Variants in GRIK1 observed in about 807,000 individuals in gnomAD.
GRIK1 encodes glutamate ionotropic receptor kainate type subunit 1.
Under a neutral mutation model 105.7 loss-of-function variants are expected in GRIK1, and 69 were observed. That is an observed-to-expected ratio of 0.65 (90% CI 0.54 to 0.80). The LOEUF (loss-of-function observed/expected upper bound fraction) is 0.80. GRIK1 is among the 30% of genes least tolerant of loss of function. The pLI, the probability that GRIK1 is intolerant of heterozygous loss-of-function variation, is 0.00. For synonymous variants in GRIK1, 438 were observed against 431.3 expected (o/e 1.02, Z -0.19); for missense variants, 1,109 against 1,167.3 (o/e 0.95, Z 0.73).
Position 29,691,428 on chromosome 21 carries a change from A to G in GRIK1, c.287-1443T>C, listed in dbSNP as rs142884313. Among the ~76,000 whole-genome samples the G allele has an allele frequency of 4.0e-3, 612 of 152,332 alleles. 6 individuals are homozygous for G. The highest frequency in any genetic ancestry group is 0.014 in the African/African-American group (578 of 41,572). On this transcript the variant is annotated intron_variant, in intron 2 of 17. Coordinates refer to ENST00000327783, the MANE Select transcript of GRIK1 (RefSeq NM_001330994.2). ...TATATTTTTCTCTGAATCTTGTGCTACTTTCTAAGAGTAGATTTCCAGAAG... is the reference window on the plus strand; with the variant it reads ...TATATTTTTCTCTGAATCTTGTGCTGCTTTCTAAGAGTAGATTTCCAGAAG...
chr21:29,619,043 G>A (rs55966749), intron 7 of GRIK1, among the ~76,000 whole-genome samples: 31,846 of 148,938 alleles, frequency 0.21, 4,587 homozygotes, highest in African/African-American at 0.4. Context: ...GGAGAAAAGC[G>A]TGAACCCAGG....
intron 17 of GRIK1, 116 bp downstream of exon 17, chr21:29,537,682 C>T: frequency 1.3e-6 from 1 of 776,512 alleles, no homozygotes; most frequent in Non-Finnish European, 2.3e-6. Flanking sequence ...CTTACCTTTG[C>T]TGAGACACCA....
chr21:29,843,586 G>T (rs1276393262), intron 1 of GRIK1, among the ~76,000 whole-genome samples: 2 of 151,888 alleles, frequency 1.3e-5, no homozygotes, highest in Non-Finnish European at 2.9e-5. Flanking sequence ...AAGGAGATGT[G>T]GATCTGATAT....
chr21:29,856,779 G>C (rs1359323205), intron 1 of GRIK1, among the ~76,000 whole-genome samples: 1 of 152,188 alleles, frequency 6.6e-6, no homozygotes, highest in Non-Finnish European at 1.5e-5. Context: ...GTGCCTGAGA[G>C]AGGCAGGTAG....
chr21:29,717,997 G>A (rs76814660), intron 1 of GRIK1, among the ~76,000 whole-genome samples: 8,891 of 152,176 alleles, frequency 0.058, 438 homozygotes, highest in African/African-American at 0.12. Flanking sequence ...GTTCTCACAA[G>A]ATCTGATGGT....
intron 16 of GRIK1, among the ~76,000 whole-genome samples, chr21:29,540,271 A>G (rs2089947940): frequency 6.6e-6 from 1 of 152,114 alleles, no homozygotes; most frequent in Non-Finnish European, 1.5e-5. Flanking sequence ...CTCTTGACTA[A>G]CTCCAAGTAT....
At chr21:29,877,263 T>C (rs565070973) in intron 1 of GRIK1, among the ~76,000 whole-genome samples, 2 of 152,294 alleles carry the variant, frequency 1.3e-5, no homozygotes, top group African/African-American at 4.8e-5. Context: ...TGTAGAGATG[T>C]AGTCTTCTTT....
chr21:29,558,225 A>C (rs1280992362), intron 15 of GRIK1, among the ~76,000 whole-genome samples: 1 of 152,138 alleles, frequency 6.6e-6, no homozygotes, highest in East Asian at 1.9e-4. Flanking sequence ...TAAGGGAGTT[A>C]GTCAGGGCAA....
At chr21:29,744,114 G>A (rs571982257) in intron 1 of GRIK1, among the ~76,000 whole-genome samples, 42 of 152,298 alleles carry the variant, frequency 2.8e-4, no homozygotes, top group African/African-American at 9.9e-4. Flanking sequence ...GTGTACATAA[G>A]TTATAAGTTA....
intron 1 of GRIK1, among the ~76,000 whole-genome samples, chr21:29,892,196 A>G (rs762243848): frequency 2.6e-5 from 4 of 152,234 alleles, no homozygotes; most frequent in African/African-American, 4.8e-5. Context: ...CTCAGTAGAT[A>G]CTAAAGAGAC....
intron 1 of GRIK1, among the ~76,000 whole-genome samples, chr21:29,752,242 A>G (rs557838347): frequency 3.7e-4 from 57 of 152,290 alleles, no homozygotes; most frequent in Non-Finnish European, 6.8e-4. Flanking sequence ...ATGGGCTGGG[A>G]CTTGCTTTCA....
chr21:29,553,645 A>T (rs1406866512), intron 16 of GRIK1: 1 of 1,609,648 alleles, frequency 6.2e-7, no homozygotes, highest in Non-Finnish European at 8.5e-7. Flanking sequence ...AAGTAGTTCC[A>T]GAAGTGGAGT....
chr21:29,871,842 C>T (rs958512079), intron 1 of GRIK1, among the ~76,000 whole-genome samples: 15 of 146,072 alleles, frequency 1.0e-4, no homozygotes, highest in African/African-American at 3.5e-4. Context: ...CAGCTCACTG[C>T]AGCCTCAACC....
At chr21:29,571,665 G>A (rs2090753573) in intron 14 of GRIK1, among the ~76,000 whole-genome samples, 1 of 152,164 alleles carries the variant, frequency 6.6e-6, no homozygotes, top group South Asian at 2.1e-4. Context: ...AGGCATTCGA[G>A]TATTTTGTTT....
chr21:29,888,053 CCAA>C (rs1398310264), intron 1 of GRIK1, among the ~76,000 whole-genome samples: 2 of 151,626 alleles, frequency 1.3e-5, no homozygotes. Context: ...CCTGCTTCCC[CCAA>C]CAACCTCAAA....
At position 29,905,093 on chromosome 21, in the gene GRIK1, A is replaced by G. The variant is rs545583833; in HGVS notation, c.118+34290T>C. On this transcript the variant is annotated intron_variant, in intron 1 of 17. Coordinates refer to ENST00000327783, the MANE Select transcript of GRIK1 (RefSeq NM_001330994.2). ...AGAATCAGAGGGTCAGAGTGCCATT[A>G]TTTAAACCAACTCATTTTAAACCTG... 4.6e-5 allele frequency among the ~76,000 whole-genome samples: 7 copies of G among 152,232 alleles called. 1 individual carries two copies. Among genetic ancestry groups the G allele is most frequent in the Non-Finnish European group, 8.8e-5 (6 of 68,036 alleles).
intron 16 of GRIK1, chr21:29,553,389 G>GT: frequency 7.7e-7 from 1 of 1,294,832 alleles, no homozygotes; most frequent in Admixed American, 3.7e-5. Context: ...TACAGTGCAA[G>GT]TATCTTTCCA....
chr21:29,622,367 C>G (rs2062024353), intron 7 of GRIK1, among the ~76,000 whole-genome samples: 1 of 152,204 alleles, frequency 6.6e-6, no homozygotes, highest in African/African-American at 2.4e-5. Flanking sequence ...TGGGAGTACT[C>G]TACGTTGGAA....
chr21:29,641,666 G>A (rs1269483068), intron 7 of GRIK1, among the ~76,000 whole-genome samples: 1 of 152,150 alleles, frequency 6.6e-6, no homozygotes, highest in African/African-American at 2.4e-5. Context: ...TTAATCTTGT[G>A]CAAGTATAGA....
Sources: allele counts gnomAD v4.1 joint callset (sites outside exome capture counted in the v4.1 genomes callset), GRCh38; gene constraint gnomAD v4.1.1; transcripts MANE v1.5; gene names NCBI Gene and HGNC (gene_info 2026-07-23, HGNC 2026-07-21).